Variants in HRG observed in about 807,000 individuals in gnomAD.
HRG encodes histidine-rich glycoprotein.
A neutral mutation model predicts 29.5 loss-of-function variants in HRG; 26 were observed. The observed-to-expected ratio is 0.88, with a 90% CI of 0.65 to 1.22. The LOEUF is 1.22. Among genes scored for constraint, HRG ranks in the 50% most tolerant of loss-of-function variants. The pLI is 0.00. For missense variants in HRG, 671 were observed against 654.5 expected, an observed-to-expected ratio of 1.03 and a Z score of -0.28; for synonymous variants, 243 against 240.4, an observed-to-expected ratio of 1.01 and a Z score of -0.10.
intron 6 of HRG, among the ~76,000 whole-genome samples, chr3:186,676,033 C>T (rs1718975186): frequency 6.6e-6 from 1 of 152,034 alleles, no homozygotes. Flanking sequence ...CCATACCTGG[C>T]TAATTTTGCA....
intron 1 of HRG, chr3:186,667,151 C>T (rs1461845279): frequency 6.6e-6 from 1 of 152,240 alleles, no homozygotes; most frequent in Non-Finnish European, 1.5e-5. Context: ...TTCATGGCCT[C>T]TCTGTGTGGC....
At chr3:186,674,785 G>T (rs376907081) in intron 5 of HRG, 1 of 383,064 alleles carries the variant, frequency 2.6e-6, no homozygotes, top group Admixed American at 3.7e-5. Flanking sequence ...AGAAGGGTTG[G>T]CCTAAAGGCA....
Position 186,677,608 on chromosome 3 carries a change from C to T in HRG, c.1303C>T (p.Pro435Ser), listed in dbSNP as rs1719046383. The T allele has an allele frequency of 1.2e-6, 2 of 1,614,176 alleles. No individual in the cohort carries two copies. Among genetic ancestry groups the T allele is most frequent in the South Asian group, 1.1e-5 (1 of 91,082 alleles). ...CTGTTGCCATGGCCACGGCCCACCA[C>T]CTGGGCACTTAAGAAGGCGAGGCCC... The part of the protein sequence containing the change: ...GHCCHGHGPP[P>S]GHLRRRGPGK... The change falls in exon 7 of 7, where the codon CCT (proline) becomes TCT (serine). Residue 435 changes from proline to serine, a missense_variant. Physicochemically the swap from Pro to Ser is moderately conservative, Grantham distance 74. Coordinates refer to ENST00000232003, the MANE Select transcript of HRG (RefSeq NM_000412.5).
chr3:186,670,883 A>G (rs1018319292), intron 3 of HRG, among the ~76,000 whole-genome samples: 3 of 152,210 alleles, frequency 2.0e-5, no homozygotes, highest in Non-Finnish European at 4.4e-5. Context: ...AAATAGAATT[A>G]TCACAGGATT....
intron 6 of HRG, among the ~76,000 whole-genome samples, chr3:186,676,495 C>G (rs1188540002): frequency 1.3e-5 from 2 of 151,348 alleles, no homozygotes; most frequent in African/African-American, 4.9e-5. Context: ...TCATTCCAGG[C>G]TGGGCATGGT....
chr3:186,668,987 C>G lies in HRG; in HGVS notation c.236C>G (p.Ser79Trp), dbSNP rs4516605. 7.1e-3 allele frequency: 11,434 copies of G among 1,612,112 alleles called. 70 individuals are homozygous for G. The highest frequency in any genetic ancestry group is 7.4e-3 in the Non-Finnish European group (8,728 of 1,178,180). ...LVLDVQESDC[S>W]VLSRKYWNDC... ...TTAGATGTGCAAGAATCGGACTGTT[C>G]GGTCCTATCCAGGAAATACTGGAAT... The change falls in exon 2 of 7, where the codon TCG (serine) becomes TGG (tryptophan). Residue 79 changes from serine (S) to tryptophan (W), a missense_variant. Physicochemically the swap from Ser to Trp is radical, Grantham distance 177. Coordinates refer to ENST00000232003, the MANE Select transcript of HRG (RefSeq NM_000412.5).
At chr3:186,671,266 A>C (rs1411412125) in intron 3 of HRG, among the ~76,000 whole-genome samples, 1 of 128,990 alleles carries the variant, frequency 7.8e-6, no homozygotes, top group East Asian at 2.3e-4. Flanking sequence ...AACATATGAT[A>C]TATTATATAA....
At position 186,677,403 on chromosome 3, in the gene HRG, CCATGCACACCATCCT is replaced by C; in HGVS notation, c.1103_1117del (p.Ala368_His372del). ...AACAGCATCCCCACGGACACCATCC[CCATGCACACCATCCT>C]CATGAACATGATACCCATAGACAGC... On this transcript the variant is annotated inframe_deletion, in exon 7 of 7. Transcript: ENST00000232003. 1.2e-6 allele frequency: 2 copies of C among 1,609,974 alleles called. No homozygotes were observed. Among genetic ancestry groups the C allele is most frequent in the South Asian group, 1.1e-5 (1 of 90,416 alleles).
chr3:186,670,778 C>G (rs1367565944), intron 3 of HRG, among the ~76,000 whole-genome samples: 2 of 152,128 alleles, frequency 1.3e-5, no homozygotes, highest in Non-Finnish European at 2.9e-5. Flanking sequence ...AACTCTTGAC[C>G]TCAGGTGATC....
chr3:186,671,524 T>C (rs1043939188), intron 3 of HRG, 99 bp from the exon 4 acceptor site: 6 of 1,246,344 alleles, frequency 4.8e-6, no homozygotes, highest in Admixed American at 3.4e-5. Context: ...CACCCTCAAT[T>C]TGCCCATCCT....
intron 6 of HRG, 106 bp downstream of exon 6, chr3:186,675,296 TGTGTGTGTGTGTGA>T (rs1349937206): frequency 2.0e-5 from 12 of 588,884 alleles, no homozygotes; most frequent in African/African-American, 1.2e-4. Context: ...TGTGTGTGTG[TGTGTGTGTGTGTGA>T]GAGAGAGAGA....
At chr3:186,673,402 A>G (rs879503211) in intron 5 of HRG, 20 of 199,926 alleles carry the variant, frequency 1.0e-4, no homozygotes, top group Non-Finnish European at 7.2e-5. Flanking sequence ...GCAAGCCACC[A>G]TGCCCAGCCT....
intron 3 of HRG, among the ~76,000 whole-genome samples, chr3:186,670,727 A>G (rs1718760333): frequency 6.6e-6 from 1 of 152,074 alleles, no homozygotes; most frequent in Non-Finnish European, 1.5e-5. Context: ...TTGTATTTTT[A>G]GTAGAGATGG....
Position 186,677,786 on chromosome 3 carries a change from A to G in HRG, c.1481A>G (p.Gln494Arg). 1 of 1,614,112 alleles carries G rather than the reference A, an allele frequency of 6.2e-7. No homozygotes were observed. The highest frequency in any genetic ancestry group is 8.5e-7 in the Non-Finnish European group (1 of 1,179,942). The change falls in exon 7 of 7, where the codon CAG becomes CGG. Residue 494 changes from glutamine to arginine, a missense_variant. Coordinates refer to ENST00000232003, the MANE Select transcript of HRG (RefSeq NM_000412.5). The stretch of plus-strand genomic sequence containing the variant: ...AAACATCCTCTAAAGCCAGACAATC[A>G]GCCCTTTCCTCAATCAGTCTCTGAA... ...HHKHPLKPDN[Q>R]PFPQSVSESC...
Position 186,677,754 on chromosome 3 carries a change from G to A in HRG, c.1449G>A (p.Pro483=), listed in dbSNP as rs768352760. 6.8e-6 allele frequency: 11 copies of A among 1,611,460 alleles called. No individual in the cohort carries two copies. Among genetic ancestry groups the A allele is most frequent in the Admixed American group, 5.0e-5 (3 of 59,946 alleles). ...PEANFPSFPL[P]HHKHPLKPDN... is the part of the protein sequence containing the mutation. ...CCAATTTTCCCAGCTTCCCATTGCC[G>A]CACCACAAACATCCTCTAAAGCCAG... The change falls in exon 7 of 7, where the codon CCG becomes CCA. Residue 483 remains proline, a synonymous_variant. Transcript: ENST00000232003.
chr3:186,674,802 C>G (rs1252011976), intron 5 of HRG: 1 of 400,292 alleles, frequency 2.5e-6, no homozygotes, highest in South Asian at 2.1e-5. Context: ...GGCAAGGCAG[C>G]AATGATGTGG....
At chr3:186,673,350 A>T (rs1313171515) in intron 5 of HRG, 2 of 216,136 alleles carry the variant, frequency 9.3e-6, no homozygotes, top group East Asian at 2.2e-4. Context: ...GTGTCCACCC[A>T]CTTCGGCTGG....
chr3:186,675,938 C>T (rs1006566134), intron 6 of HRG, among the ~76,000 whole-genome samples: 1 of 139,420 alleles, frequency 7.2e-6, no homozygotes, highest in African/African-American at 2.7e-5. Context: ...GGTGCCATCT[C>T]GGCTCACCAC....
At chr3:186,667,531 A>G (rs1295032124) in intron 1 of HRG, among the ~76,000 whole-genome samples, 1 of 152,074 alleles carries the variant, frequency 6.6e-6, no homozygotes, top group Non-Finnish European at 1.5e-5. Context: ...GAGCCCCAAC[A>G]ATAGCCAAGT....
Sources: gnomAD v4.1 joint callset for allele counts (sites outside exome capture counted in the v4.1 genomes callset) on GRCh38, gnomAD v4.1.1 for gene constraint, MANE v1.5 for transcripts, NCBI Gene and HGNC (gene_info 2026-07-23, HGNC 2026-07-21) for gene names.